The following ACSBG2 variants were observed in gnomAD, a reference collection of about 807,000 sequenced individuals.
ACSBG2 encodes the protein long-chain-fatty-acid--CoA ligase ACSBG2.
In ACSBG2, 62 loss-of-function variants were observed where a neutral mutation model predicts 74.7. That is an observed-to-expected ratio of 0.83 (90% CI 0.68 to 1.03). The LOEUF (loss-of-function observed/expected upper bound fraction) is 1.03, where lower values mean the gene tolerates loss of function less well. Ranked by LOEUF, ACSBG2 falls within the 50% of genes least tolerant of loss-of-function variation. The pLI, the probability that ACSBG2 is intolerant of heterozygous loss-of-function variation, is 0.00. For missense variants in ACSBG2, 730 were observed against 817.6 expected (o/e 0.89, Z 1.31); for synonymous variants, 309 against 294.1 (o/e 1.05, Z -0.52).
chr19:6,138,264 G>A (rs112531087), intron 1 of ACSBG2, among the ~76,000 whole-genome samples: 9 of 152,178 alleles, frequency 5.9e-5, no homozygotes, highest in East Asian at 1.9e-4. Context: ...CAGTGGTGGA[G>A]TTCTTGGCGG....
At chr19:6,189,090 T>C (rs746443593) in intron 13 of ACSBG2, among the ~76,000 whole-genome samples, 11 of 152,260 alleles carry the variant, frequency 7.2e-5, no homozygotes, top group East Asian at 1.9e-4. Context: ...ATGATGAATG[T>C]TGAGTGTGCT....
At chr19:6,147,925 C>T (rs755275140) in intron 3 of ACSBG2, among the ~76,000 whole-genome samples, 32 of 152,008 alleles carry the variant, frequency 2.1e-4, no homozygotes, top group Middle Eastern at 6.8e-3. Context: ...TTTATATATG[C>T]AAATTTTTTA....
intron 6 of ACSBG2, among the ~76,000 whole-genome samples, chr19:6,162,192 G>A (rs112935763): frequency 0.071 from 10,447 of 147,370 alleles, 678 homozygotes; most frequent in African/African-American, 0.18. Flanking sequence ...CTTGAACCCG[G>A]GAGGCGGAGG....
In ACSBG2 at chr19:6,174,470, A is replaced by G. The variant is rs2090042607; in HGVS notation, c.739-2759A>G. On this transcript the variant is annotated intron_variant, in intron 7 of 14. Transcript: ENST00000588485. The surrounding 1 kb of genome is among the most constrained non-coding windows in gnomAD (Gnocchi z 4.2). ...TCTACCACATATACATAAAATGCTT[A>G]GAACAATGCCTGGCATACAGGAAGC... is the stretch of plus-strand genomic sequence containing the variant. 6.6e-6 allele frequency among the ~76,000 whole-genome samples: 1 copy of G among 152,230 alleles called. No individual in the cohort carries two copies. The highest frequency in any genetic ancestry group is 1.5e-5 in the Non-Finnish European group (1 of 68,042).
intron 1 of ACSBG2, among the ~76,000 whole-genome samples, chr19:6,137,943 C>T (rs1380933109): frequency 6.6e-6 from 1 of 152,188 alleles, no homozygotes; most frequent in Admixed American, 6.5e-5. Context: ...CATGAGCCAC[C>T]ATGCTTGGCA....
chr19:6,167,108 C>T (rs1478896933), intron 7 of ACSBG2, among the ~76,000 whole-genome samples: 2 of 152,204 alleles, frequency 1.3e-5, no homozygotes. Flanking sequence ...CATGCAATCA[C>T]ACCTGGCCTG....
At chr19:6,157,318 G>A (rs1485742925) in intron 5 of ACSBG2, among the ~76,000 whole-genome samples, 2 of 152,170 alleles carry the variant, frequency 1.3e-5, no homozygotes, top group African/African-American at 4.8e-5. Context: ...CACTTTGGGA[G>A]GCCAAGGCAG....
intron 11 of ACSBG2, among the ~76,000 whole-genome samples, chr19:6,186,889 A>T (rs114555853): frequency 6.6e-6 from 1 of 151,586 alleles, no homozygotes; most frequent in Non-Finnish European, 1.5e-5. Context: ...CAGAGACCCA[A>T]TTTCACTGTG....
rs779335922 is a variant in ACSBG2 at position 6,161,258 on chromosome 19, A to G, written c.551A>G (p.Tyr184Cys). ...SLEPLKAIIQ[Y>C]RLPMKKNNNL... The stretch of plus-strand genomic sequence containing the variant: ...GAGCCCCTAAAAGCGATCATCCAGT[A>G]CAGACTGCCAATGAAGAAGAACAAC... Residue 184 changes from tyrosine to cysteine, a missense_variant, in exon 6 of 15, where the codon TAC (tyrosine) becomes TGC (cysteine). Physicochemically the swap from Tyr to Cys is radical, Grantham distance 194. Transcript: ENST00000588485. 34 of 1,613,600 alleles carry G rather than the reference A, an allele frequency of 2.1e-5. No homozygotes were observed. Among genetic ancestry groups the G allele is most frequent in the Admixed American group, 1.0e-4 (6 of 59,986 alleles).
intron 5 of ACSBG2, among the ~76,000 whole-genome samples, chr19:6,159,751 A>T (rs2089545156): frequency 6.6e-6 from 1 of 152,014 alleles, no homozygotes; most frequent in African/African-American, 2.4e-5. Context: ...CAAACTCCTC[A>T]TCTTTGCCTC....
intron 1 of ACSBG2, among the ~76,000 whole-genome samples, chr19:6,137,925 A>G (rs2088646991): frequency 6.6e-6 from 1 of 152,168 alleles, no homozygotes; most frequent in African/African-American, 2.4e-5. Context: ...AAGCACTGGG[A>G]TTACAGGCAT....
chr19:6,161,535 G>A, intron 6 of ACSBG2: 1 of 434,944 alleles, frequency 2.3e-6, no homozygotes, highest in Non-Finnish European at 4.3e-6. Flanking sequence ...GCAGAGGGAG[G>A]GGGTGTGACC....
intron 7 of ACSBG2, 44 bp from the exon 8 acceptor site, chr19:6,177,185 C>A (rs756483669): frequency 7.5e-6 from 12 of 1,595,322 alleles, no homozygotes; most frequent in Middle Eastern, 1.7e-4. Context: ...TAAAATGGCC[C>A]TTCTATGAGG....
chr19:6,136,299 A>G (rs2088564497), intron 1 of ACSBG2, among the ~76,000 whole-genome samples: 1 of 152,036 alleles, frequency 6.6e-6, no homozygotes, highest in South Asian at 2.1e-4. Flanking sequence ...TCACCACATT[A>G]GCCAGGATAG....
Position 6,187,721 on chromosome 19 carries a change from C to T in ACSBG2, c.1803C>T (p.Pro601=). The T allele has an allele frequency of 6.2e-7, 1 of 1,614,112 alleles. No individual in the cohort carries two copies. Among genetic ancestry groups the T allele is most frequent in the Non-Finnish European group, 8.5e-7 (1 of 1,180,018 alleles). ...CTGAGATTGTGAAGCAGCAAGACCCCCTGGTCTACAAGGCCATCCAGCAAG... is the reference window on the plus strand; with the variant it reads ...CTGAGATTGTGAAGCAGCAAGACCCTCTGGTCTACAAGGCCATCCAGCAAG... ...TVTEIVKQQD[P]LVYKAIQQGI... The change falls in exon 13 of 15, where the codon CCC becomes CCT. Residue 601 remains proline (P), a synonymous_variant. Coordinates refer to ENST00000588485, the MANE Select transcript of ACSBG2 (RefSeq NM_030924.5).
intron 7 of ACSBG2, among the ~76,000 whole-genome samples, chr19:6,167,801 T>TA (rs1241861506): frequency 2.0e-5 from 3 of 152,200 alleles, no homozygotes; most frequent in African/African-American, 7.2e-5. Context: ...AGTTTGGCAA[T>TA]AAATCACGGG....
At chr19:6,165,347 G>A (rs2089760153) in intron 6 of ACSBG2, among the ~76,000 whole-genome samples, 1 of 152,152 alleles carries the variant, frequency 6.6e-6, no homozygotes, top group Non-Finnish European at 1.5e-5. Context: ...GACCACTTGA[G>A]GTCACATGTC....
intron 5 of ACSBG2, among the ~76,000 whole-genome samples, chr19:6,159,542 T>C (rs1243412067): frequency 3.3e-5 from 5 of 152,232 alleles, no homozygotes; most frequent in Non-Finnish European, 7.3e-5. Context: ...CCTAGTTTCA[T>C]TGAAGGTGAA....
chr19:6,165,137 A>T (rs979137026), intron 6 of ACSBG2, among the ~76,000 whole-genome samples: 1 of 152,206 alleles, frequency 6.6e-6, no homozygotes, highest in Non-Finnish European at 1.5e-5. Flanking sequence ...CGTGGATTTC[A>T]GGCATGGCTG....
Sources: allele counts gnomAD v4.1 joint callset (sites outside exome capture counted in the v4.1 genomes callset), GRCh38; gene constraint gnomAD v4.1.1; non-coding constraint Gnocchi (gnomAD v3.1); transcripts MANE v1.5; gene names NCBI Gene and HGNC (gene_info 2026-07-23, HGNC 2026-07-21).